The following CCDC178 variants were observed in gnomAD, a reference collection of about 807,000 sequenced individuals.
CCDC178 encodes coiled-coil domain-containing protein 178.
A neutral mutation model predicts 117.4 loss-of-function variants in CCDC178; 126 were observed. That is an observed-to-expected ratio of 1.07 (90% CI 0.93 to 1.24). CCDC178 has a LOEUF of 1.24. Among genes scored for constraint, CCDC178 ranks in the 50% most tolerant of loss-of-function variants. The probability of loss-of-function intolerance (pLI) is 0.00; values close to 1 mark genes in which losing one functional copy is unlikely to be tolerated. For synonymous variants in CCDC178, 283 were observed against 313.4 expected, an observed-to-expected ratio of 0.90 and a Z score of 1.02; for missense variants, 1,030 against 986.9, an observed-to-expected ratio of 1.04 and a Z score of -0.59.
chr18:33,303,119 C>T lies in CCDC178; in HGVS notation c.1023-9807G>A, dbSNP rs373138895. 3.3e-5 allele frequency among the ~76,000 whole-genome samples: 5 copies of T among 152,164 alleles called. No individual in the cohort carries two copies. In the East Asian group the frequency reaches 9.7e-4, roughly 29 times the overall value. On this transcript the variant is annotated intron_variant, in intron 11 of 22. Coordinates refer to ENST00000383096, the MANE Select transcript of CCDC178 (RefSeq NM_001105528.4). ...TGTATTAAAACATCATTACATACCC[C>T]ATGAGTATATACATATTCTATATGT...
intron 20 of CCDC178, among the ~76,000 whole-genome samples, chr18:33,120,575 G>A (rs2057923858): frequency 6.6e-6 from 1 of 152,074 alleles, no homozygotes; most frequent in African/African-American, 2.4e-5. Flanking sequence ...CAACCCACCT[G>A]GAAAAGAACC....
At chr18:33,357,131 C>T (rs2063068401) in intron 6 of CCDC178, among the ~76,000 whole-genome samples, 1 of 152,056 alleles carries the variant, frequency 6.6e-6, no homozygotes, top group South Asian at 2.1e-4. Context: ...CCTTTCCAGG[C>T]CTAACCAATG....
At chr18:33,314,373 C>T (rs923017072) in intron 11 of CCDC178, among the ~76,000 whole-genome samples, 11 of 152,032 alleles carry the variant, frequency 7.2e-5, no homozygotes, top group Non-Finnish European at 1.5e-4. Flanking sequence ...CCACAGTCTT[C>T]GGGTAAAGTA....
At chr18:33,007,059 A>G (rs2055766309) in intron 21 of CCDC178, among the ~76,000 whole-genome samples, 1 of 152,196 alleles carries the variant, frequency 6.6e-6, no homozygotes. Context: ...TAAGTTGTCA[A>G]ATTTGTAGTA....
At chr18:33,185,884 T>C (rs751169323) in intron 20 of CCDC178, among the ~76,000 whole-genome samples, 2 of 151,988 alleles carry the variant, frequency 1.3e-5, no homozygotes, top group Middle Eastern at 3.4e-3. Context: ...CACCAGAATA[T>C]CTCTAGAGTG....
chr18:33,075,742 G>A (rs2057194998), intron 21 of CCDC178, among the ~76,000 whole-genome samples: 1 of 152,116 alleles, frequency 6.6e-6, no homozygotes, highest in Non-Finnish European at 1.5e-5. Context: ...GCCGAGGCAG[G>A]TGGATCACTT....
intron 11 of CCDC178, among the ~76,000 whole-genome samples, chr18:33,311,066 C>A (rs574790870): frequency 6.6e-6 from 1 of 152,124 alleles, no homozygotes; most frequent in African/African-American, 2.4e-5. Flanking sequence ...GGAAAGATCC[C>A]TAGGGGTTTC....
intron 20 of CCDC178, among the ~76,000 whole-genome samples, chr18:33,111,163 A>G (rs1179796969): frequency 6.6e-6 from 1 of 151,594 alleles, no homozygotes; most frequent in Non-Finnish European, 1.5e-5. Context: ...TCTATTATAA[A>G]TAGTATCTAT....
intron 10 of CCDC178, 73 bp from the exon 11 acceptor site, chr18:33,323,706 A>G: frequency 1.1e-6 from 1 of 911,504 alleles, no homozygotes; most frequent in Non-Finnish European, 1.5e-6. Flanking sequence ...AACTTAGTGT[A>G]GTATTGATTT....
At chr18:33,333,686 A>AT (rs2062704097) in intron 9 of CCDC178, among the ~76,000 whole-genome samples, 1 of 151,336 alleles carries the variant, frequency 6.6e-6, no homozygotes, top group South Asian at 2.1e-4. Flanking sequence ...CTAATTTTGT[A>AT]TTTTTAGTAG....
At chr18:33,331,691 A>G (rs2062671721) in intron 10 of CCDC178, among the ~76,000 whole-genome samples, 1 of 152,188 alleles carries the variant, frequency 6.6e-6, no homozygotes, top group African/African-American at 2.4e-5. Context: ...ATAGGGGTCT[A>G]TTACTAAAAA....
chr18:33,276,906 T>C (rs993171804), intron 12 of CCDC178, among the ~76,000 whole-genome samples: 5 of 152,110 alleles, frequency 3.3e-5, no homozygotes, highest in African/African-American at 1.2e-4. Context: ...GAAAATTCAA[T>C]ACTCATTCCC....
At chr18:33,052,159 A>G (rs2056757373) in intron 21 of CCDC178, among the ~76,000 whole-genome samples, 1 of 152,182 alleles carries the variant, frequency 6.6e-6, no homozygotes, top group Non-Finnish European at 1.5e-5. Context: ...AAATGTTTCT[A>G]GCAAACTTTA....
At chr18:33,391,319 A>G (rs1168000043) in intron 4 of CCDC178, among the ~76,000 whole-genome samples, 1 of 151,986 alleles carries the variant, frequency 6.6e-6, no homozygotes, top group Non-Finnish European at 1.5e-5. Context: ...ATTAGAAAAA[A>G]ATCTTATTTT....
chr18:33,374,516 G>A (rs568177171), intron 5 of CCDC178, among the ~76,000 whole-genome samples: 1 of 152,196 alleles, frequency 6.6e-6, no homozygotes, highest in South Asian at 2.1e-4. Flanking sequence ...AGAACAACTA[G>A]AATTTATACA....
intron 21 of CCDC178, among the ~76,000 whole-genome samples, chr18:32,977,793 A>C (rs1176449361): frequency 6.6e-6 from 1 of 152,146 alleles, no homozygotes; most frequent in Non-Finnish European, 1.5e-5. Context: ...AGAATACCTT[A>C]TTATTTCCCC....
At chr18:33,223,862 T>C (rs1021432125) in intron 17 of CCDC178, among the ~76,000 whole-genome samples, 1 of 152,130 alleles carries the variant, frequency 6.6e-6, no homozygotes, top group Admixed American at 6.6e-5. Context: ...TGCAGGAGCA[T>C]GATGATAGCA....
At chr18:33,350,692 G>A (rs2062963547) in intron 7 of CCDC178, among the ~76,000 whole-genome samples, 2 of 152,078 alleles carry the variant, frequency 1.3e-5, no homozygotes, top group South Asian at 2.1e-4. Flanking sequence ...TTTGGGGATT[G>A]TGTCCACCTT....
At chr18:33,096,652 T>C (rs1017293195) in intron 20 of CCDC178, among the ~76,000 whole-genome samples, 3 of 151,912 alleles carry the variant, frequency 2.0e-5, no homozygotes, top group African/African-American at 7.2e-5. Context: ...TGATAAGCAA[T>C]GGAAGCAAAA....
Sources: gnomAD v4.1 joint callset for allele counts (sites outside exome capture counted in the v4.1 genomes callset) on GRCh38, gnomAD v4.1.1 for gene constraint, MANE v1.5 for transcripts, NCBI Gene and HGNC (gene_info 2026-07-23, HGNC 2026-07-21) for gene names.